GSE1: variants seen among roughly 807,000 people sequenced by gnomAD.
The protein encoded by GSE1 is Gse1 coiled-coil protein, also known as genetic suppressor element 1.
GSE1 carries 32 observed loss-of-function variants against 112.6 expected under a neutral mutation model. The observed-to-expected ratio is 0.28, with a 90% CI of 0.21 to 0.38. The LOEUF (loss-of-function observed/expected upper bound fraction) is 0.38. Ranked by LOEUF, GSE1 falls within the 10% of genes least tolerant of loss-of-function variation. The probability of loss-of-function intolerance (pLI) is 1.00; values close to 1 mark genes in which losing one functional copy is unlikely to be tolerated. For missense variants in GSE1, 2,348 were observed against 1,699.2 expected (o/e 1.38, Z -6.71); for synonymous variants, 1,115 against 735.6 (o/e 1.52, Z -8.35).
rs560064744 is a variant in GSE1, at chr16:85,269,466, G to A, written c.2284-87997G>A. 6.0e-5 allele frequency among the ~76,000 whole-genome samples: 9 copies of A among 149,426 alleles called. No individual in the cohort carries two copies. The South Asian group carries it at 1.9e-3, about 31-fold the overall frequency. ...TGTGTGAGTGTGTGTGTGTGTGTGT[G>A]TGAGTGTTCTCACCCTTGTGTTCTA... On this transcript the variant is annotated intron_variant, in intron 1 of 2. Coordinates refer to the GSE1 transcript ENST00000637419.
In GSE1 at chr16:85,648,730, C is replaced by T; in HGVS notation, c.405C>T (p.Val135=). 1 of 1,596,006 alleles carries T rather than the reference C, an allele frequency of 6.3e-7. No homozygotes were observed. The highest frequency in any genetic ancestry group is 8.5e-7 in the Non-Finnish European group (1 of 1,172,158). Residue 135 remains valine (V), a synonymous_variant, in exon 3 of 16, where the codon GTC becomes GTT. Coordinates refer to ENST00000253458, the MANE Select transcript of GSE1 (RefSeq NM_014615.5). ...CTCCAACCAAAACCGTGAATGGTGT[C>T]TGGAGGAGTGAGAGCCGGCAGGTGA... ...TIAPTKTVNG[V]WRSESRQDAG... is the part of the protein sequence containing the mutation.
chr16:85,205,727 C>T (rs934515986), intron 1 of GSE1, among the ~76,000 whole-genome samples: 7 of 152,162 alleles, frequency 4.6e-5, no homozygotes, highest in South Asian at 2.1e-4. Context: ...GTCCCATGGG[C>T]CTGCCTTGTG....
At chr16:85,530,255 T>G (rs2044095563) in intron 2 of GSE1, among the ~76,000 whole-genome samples, 1 of 152,184 alleles carries the variant, frequency 6.6e-6, no homozygotes, top group Non-Finnish European at 1.5e-5. Context: ...GATTATCCTG[T>G]TTGCCTCCCA....
intron 1 of GSE1, among the ~76,000 whole-genome samples, chr16:85,195,329 GGAA>G (rs2074906222): frequency 1.3e-5 from 2 of 152,266 alleles, no homozygotes; most frequent in East Asian, 3.9e-4. Context: ...CAGGCGAGTT[GGAA>G]GAAGGAGAGG....
At chr16:85,270,320 T>C (rs1426076336) in intron 1 of GSE1, among the ~76,000 whole-genome samples, 2 of 148,954 alleles carry the variant, frequency 1.3e-5, no homozygotes, top group African/African-American at 4.9e-5. Context: ...AGTGACCTGC[T>C]GCTCTCCCTG....
chr16:85,519,057 T>C (rs1244630970), intron 2 of GSE1, among the ~76,000 whole-genome samples: 1 of 152,212 alleles, frequency 6.6e-6, no homozygotes, highest in Non-Finnish European at 1.5e-5. Flanking sequence ...TTGCATTTTG[T>C]GCCTCAGTTT....
chr16:85,662,849 C>A, intron 9 of GSE1, 132 bp from the exon 10 acceptor site: 1 of 645,504 alleles, frequency 1.5e-6, no homozygotes, highest in Admixed American at 2.5e-5. Flanking sequence ...TTGAAAGGAA[C>A]TGGCCTTCAG....
At chr16:85,320,176 G>C (rs1009379899) in intron 1 of GSE1, among the ~76,000 whole-genome samples, 3 of 152,232 alleles carry the variant, frequency 2.0e-5, no homozygotes, top group African/African-American at 7.2e-5. Flanking sequence ...GCCTCCAGAG[G>C]GGACTGGGTG....
At chr16:85,317,552 G>A (rs1393376122) in intron 1 of GSE1, among the ~76,000 whole-genome samples, 1 of 152,134 alleles carries the variant, frequency 6.6e-6, no homozygotes, top group Non-Finnish European at 1.5e-5. Flanking sequence ...GCTGCCCACA[G>A]TGAGTGTTGG....
chr16:85,476,339 C>G (rs1382800494), intron 2 of GSE1, among the ~76,000 whole-genome samples: 1 of 152,140 alleles, frequency 6.6e-6, no homozygotes, highest in Non-Finnish European at 1.5e-5. Flanking sequence ...CAGGCACCTG[C>G]CGAGGCTGGG....
chr16:85,414,219 G>T (rs996011822), intron 2 of GSE1, among the ~76,000 whole-genome samples: 2 of 152,190 alleles, frequency 1.3e-5, no homozygotes, highest in African/African-American at 2.4e-5. Flanking sequence ...CAGGGAGGGG[G>T]CATTTAGGGG....
At chr16:85,257,513 A>C (rs1299968576) in intron 1 of GSE1, among the ~76,000 whole-genome samples, 2 of 152,270 alleles carry the variant, frequency 1.3e-5, no homozygotes, top group Non-Finnish European at 2.9e-5. Context: ...TTTCTTATAT[A>C]CTTGTAACTT....
chr16:85,665,169 TC>T, intron 12 of GSE1, 41 bp downstream of exon 12: 1 of 1,214,576 alleles, frequency 8.2e-7, no homozygotes, highest in Non-Finnish European at 1.2e-6. Flanking sequence ...CCCAGGACCA[TC>T]CCATGGGCTG....
intron 2 of GSE1, among the ~76,000 whole-genome samples, chr16:85,453,263 G>A (rs1323503455): frequency 2.0e-5 from 3 of 152,252 alleles, no homozygotes; most frequent in East Asian, 1.9e-4. Flanking sequence ...ACGGTGGCTC[G>A]GGGACCCTGA....
At chr16:85,432,125 T>C (rs1389242903) in intron 2 of GSE1, among the ~76,000 whole-genome samples, 1 of 152,208 alleles carries the variant, frequency 6.6e-6, no homozygotes, top group Non-Finnish European at 1.5e-5. Flanking sequence ...AATGCATGAA[T>C]TACCCGCTAA....
chr16:85,645,557 G>A (rs887159839), intron 2 of GSE1, among the ~76,000 whole-genome samples: 4 of 150,170 alleles, frequency 2.7e-5, no homozygotes, highest in South Asian at 2.1e-4. Context: ...TTTCCACATC[G>A]GGATGCCTGT....
In GSE1 at chr16:85,507,275, C is replaced by T. The variant is rs190184815; in HGVS notation, c.2465-126639C>T. Among the ~76,000 whole-genome samples the T allele has an allele frequency of 2.4e-4, 36 of 152,342 alleles. 1 individual carries two copies. Among genetic ancestry groups the T allele is most frequent in the East Asian group, 5.8e-4 (3 of 5,190 alleles). Reference sequence around the variant, plus strand: ...AAATCCCTCTGCAGAGCTCCGTCCTCGGCATTCTGCTTACGTGGTATCCGG... The same window carrying T: ...AAATCCCTCTGCAGAGCTCCGTCCTTGGCATTCTGCTTACGTGGTATCCGG... On this transcript the variant is annotated intron_variant, in intron 2 of 2. Transcript: ENST00000637419.
intron 1 of GSE1, among the ~76,000 whole-genome samples, chr16:85,284,613 G>A (rs935964377): frequency 1.3e-5 from 2 of 152,234 alleles, no homozygotes; most frequent in Admixed American, 6.5e-5. Flanking sequence ...AGCCAGCGAG[G>A]GGGTGGTGAG....
rs776130183 is a variant in GSE1 at position 85,672,742 on chromosome 16, C to G, written c.*203C>G. The stretch of plus-strand genomic sequence containing the variant: ...CAATTGAATCACCGTTGTCATTCAG[C>G]GAGCAACCAATGTAGGATTGCCCAC... On this transcript the variant is annotated 3_prime_UTR_variant, in exon 16 of 16. Coordinates refer to ENST00000253458, the MANE Select transcript of GSE1 (RefSeq NM_014615.5). 4 of 408,708 alleles carry G rather than the reference C, an allele frequency of 9.8e-6. No homozygotes were observed. In the East Asian group the frequency reaches 1.5e-4, roughly 15 times the overall value. The allele number at this position is 408,708 out of a possible 1,614,324, so 25.3% of individuals were successfully genotyped here.
Sources: allele counts gnomAD v4.1 joint callset (sites outside exome capture counted in the v4.1 genomes callset), GRCh38; gene constraint gnomAD v4.1.1; transcripts MANE v1.5; gene names NCBI Gene and HGNC (gene_info 2026-07-23, HGNC 2026-07-21).